The following ARID1B variants were observed in gnomAD, a reference collection of about 807,000 sequenced individuals.
ARID1B encodes AT-rich interaction domain 1B.
A neutral mutation model predicts 212.3 loss-of-function variants in ARID1B; 30 were observed. The ratio of observed to expected loss-of-function variants is 0.14; its 90% CI spans 0.11 to 0.19. The LOEUF (loss-of-function observed/expected upper bound fraction) is 0.19, where lower values mean the gene tolerates loss of function less well. Ranked by LOEUF, ARID1B falls within the 10% of genes least tolerant of loss-of-function variation. The pLI is 1.00. For missense variants in ARID1B, 2,891 were observed against 3,204.0 expected (o/e 0.90, Z 2.36); for synonymous variants, 1,402 against 1,301.7 (o/e 1.08, Z -1.66).
At position 157,094,794 on chromosome 6, in the gene ARID1B, A is replaced by T. The variant is rs540987012; in HGVS notation, c.2491+9889A>T. Among the ~76,000 whole-genome samples, 1 of 152,266 alleles carries T rather than the reference A, an allele frequency of 6.6e-6. No homozygotes were observed. Among genetic ancestry groups the T allele is most frequent in the South Asian group, 2.1e-4 (1 of 4,822 alleles). ...TGTAGGGGAAGGTGGGAGCAGAGAC[A>T]TCGGAGGCTCCTGCAGTAACCACGC... On this transcript the variant is annotated intron_variant, in intron 5 of 19. Transcript: ENST00000636930. This position sits in a 1 kb window ranked among gnomAD's most constrained non-coding sequence, Gnocchi z 4.3.
chr6:156,803,277 C>T (rs1780916917), intron 1 of ARID1B, among the ~76,000 whole-genome samples: 1 of 152,074 alleles, frequency 6.6e-6, no homozygotes, highest in East Asian at 1.9e-4. Context: ...GAAATTCAGT[C>T]CACATTTATA....
intron 7 of ARID1B, among the ~76,000 whole-genome samples, chr6:157,145,945 T>C (rs1337475731): frequency 1.3e-5 from 2 of 152,234 alleles, no homozygotes; most frequent in African/African-American, 4.8e-5. Context: ...TGTTAAGTGT[T>C]TGCTTTTATT....
chr6:156,823,801 T>G (rs540840820), intron 1 of ARID1B, among the ~76,000 whole-genome samples: 2 of 152,046 alleles, frequency 1.3e-5, no homozygotes, highest in Non-Finnish European at 2.9e-5. Context: ...ACTGTGTTCT[T>G]AATTTGATAT....
chr6:157,200,191 G>T lies in ARID1B; in HGVS notation c.4480-514G>T, dbSNP rs1313645216. Reference sequence around the variant, plus strand: ...CCACACCTGACCAGGCCAGAAGTCAGGGCAGGAGCCGTGGGATGGATGTTG... The same window carrying T: ...CCACACCTGACCAGGCCAGAAGTCATGGCAGGAGCCGTGGGATGGATGTTG... On this transcript the variant is annotated intron_variant, in intron 17 of 19. Coordinates refer to ENST00000636930, the MANE Select transcript of ARID1B (RefSeq NM_001374828.1). The surrounding 1 kb of genome is among the most constrained non-coding windows in gnomAD (Gnocchi z 4.3). 1.3e-5 allele frequency among the ~76,000 whole-genome samples: 2 copies of T among 152,166 alleles called. No individual in the cohort carries two copies. The highest frequency in any genetic ancestry group is 4.8e-5 in the African/African-American group (2 of 41,432).
chr6:156,850,764 C>T (rs767875738), intron 2 of ARID1B, among the ~76,000 whole-genome samples: 25 of 152,154 alleles, frequency 1.6e-4, no homozygotes, highest in Non-Finnish European at 2.6e-4. Context: ...CTGGTTGAAG[C>T]AGTTAAACTT....
chr6:156,785,431 A>G (rs1583039079), intron 1 of ARID1B, among the ~76,000 whole-genome samples: 1 of 152,284 alleles, frequency 6.6e-6, no homozygotes, highest in South Asian at 2.1e-4. Context: ...TCTGGAAGGG[A>G]AGCCATATTT....
chr6:156,987,905 T>G (rs1421308737), intron 4 of ARID1B, among the ~76,000 whole-genome samples: 1 of 152,204 alleles, frequency 6.6e-6, no homozygotes, highest in Non-Finnish European at 1.5e-5. Context: ...CTGTAATATG[T>G]TTTTGAATAT....
At chr6:156,972,156 T>C (rs1725699416) in intron 4 of ARID1B, among the ~76,000 whole-genome samples, 1 of 152,190 alleles carries the variant, frequency 6.6e-6, no homozygotes, top group Non-Finnish European at 1.5e-5. Context: ...GGTATGAGAT[T>C]CCCCCAGAAT....
chr6:157,079,757 A>G (rs780490242), intron 4 of ARID1B, among the ~76,000 whole-genome samples: 7 of 152,170 alleles, frequency 4.6e-5, no homozygotes, highest in Non-Finnish European at 1.0e-4. Context: ...ATTTAGTGAT[A>G]TTTACCGATG....
chr6:156,984,279 G>A (rs1777792185), intron 4 of ARID1B, among the ~76,000 whole-genome samples: 1 of 152,150 alleles, frequency 6.6e-6, no homozygotes, highest in Admixed American at 6.5e-5. Context: ...ATAATCATTG[G>A]AACTAATTCT....
intron 2 of ARID1B, among the ~76,000 whole-genome samples, chr6:156,837,645 A>G (rs1218982792): frequency 6.6e-6 from 1 of 152,310 alleles, no homozygotes; most frequent in East Asian, 1.9e-4. Context: ...TGCCCTTATT[A>G]TAATTTTGAA....
rs933671406 is a variant in ARID1B, at chr6:156,931,525, G to A, written c.2137-3941G>A. ...AGCCCATAGTAGGCATTCAGTCAGC[G>A]TCTACGACATTTGTTACAAGAGGCC... On this transcript the variant is annotated intron_variant, in intron 3 of 19. Transcript: ENST00000636930. 6.6e-5 allele frequency among the ~76,000 whole-genome samples: 10 copies of A among 152,126 alleles called. No individual in the cohort carries two copies. The South Asian group carries it at 8.3e-4, about 13-fold the overall frequency.
At chr6:157,105,854 C>T (rs570818727) in intron 5 of ARID1B, among the ~76,000 whole-genome samples, 244 of 152,246 alleles carry the variant, frequency 1.6e-3, no homozygotes, top group African/African-American at 5.5e-3. Context: ...CCCGCCTCAG[C>T]CTCCCAAAGT....
chr6:157,048,308 A>G (rs1782371566), intron 4 of ARID1B, among the ~76,000 whole-genome samples: 1 of 152,238 alleles, frequency 6.6e-6, no homozygotes, highest in Admixed American at 6.5e-5. Flanking sequence ...TAATACTTGC[A>G]TAACAGATGT....
chr6:157,184,870 C>G (rs1458103753), intron 13 of ARID1B: 1 of 191,092 alleles, frequency 5.2e-6, no homozygotes, highest in Non-Finnish European at 1.1e-5. Context: ...TTCGGAAATC[C>G]TCAGATTTGA....
intron 1 of ARID1B, among the ~76,000 whole-genome samples, chr6:156,787,138 A>G (rs144614452): frequency 4.4e-4 from 67 of 152,302 alleles, no homozygotes; most frequent in African/African-American, 1.5e-3. Context: ...AAGAAGGAAA[A>G]TATAATCACT....
chr6:156,855,021 A>C (rs1181420460), intron 2 of ARID1B, among the ~76,000 whole-genome samples: 1 of 152,168 alleles, frequency 6.6e-6, no homozygotes, highest in Non-Finnish European at 1.5e-5. Context: ...AGTTCGGGGC[A>C]GTTGGGGTTG....
chr6:157,200,553 A>G lies in ARID1B; in HGVS notation c.4480-152A>G. On this transcript the variant is annotated intron_variant, in intron 17 of 19. Transcript: ENST00000636930. The surrounding 1 kb of genome is among the most constrained non-coding windows in gnomAD (Gnocchi z 4.3). ...GGTGTATATAATACTGAAATATTGA[A>G]CATAAATTGTTAGTTCTCTGTTGTT... The G allele has an allele frequency of 1.2e-6, 1 of 835,690 alleles. No homozygotes were observed. Among genetic ancestry groups the G allele is most frequent in the Non-Finnish European group, 1.8e-6 (1 of 553,438 alleles). The allele number at this position is 835,690 out of a possible 1,614,324, so 51.8% of individuals were successfully genotyped here. A position where few individuals can be genotyped will look rare whatever the true frequency, so the allele number is the denominator to read the frequency against.
At chr6:156,982,229 C>G (rs1777649165) in intron 4 of ARID1B, among the ~76,000 whole-genome samples, 1 of 152,094 alleles carries the variant, frequency 6.6e-6, no homozygotes, top group African/African-American at 2.4e-5. Flanking sequence ...TATAGCAATC[C>G]TGCATGGAAA....
Sources: allele counts gnomAD v4.1 joint callset (sites outside exome capture counted in the v4.1 genomes callset), GRCh38; gene constraint gnomAD v4.1.1; non-coding constraint Gnocchi (gnomAD v3.1); transcripts MANE v1.5; gene names NCBI Gene and HGNC (gene_info 2026-07-23, HGNC 2026-07-21).